The following DSCAM variants were observed in gnomAD, a reference collection of about 807,000 sequenced individuals.
The protein encoded by DSCAM is cell adhesion molecule DSCAM.
DSCAM carries 47 observed loss-of-function variants against 217.7 expected under a neutral mutation model. The observed-to-expected ratio is 0.22, with a 90% CI of 0.17 to 0.28. The LOEUF is 0.28. Among genes scored for constraint, DSCAM ranks in the 10% least tolerant of loss-of-function variants. The pLI, the probability that DSCAM is intolerant of heterozygous loss-of-function variation, is 1.00. For synonymous variants in DSCAM, 1,056 were observed against 1,015.3 expected, an observed-to-expected ratio of 1.04 and a Z score of -0.76; for missense variants, 2,080 against 2,618.3, an observed-to-expected ratio of 0.79 and a Z score of 4.49.
intron 3 of DSCAM, among the ~76,000 whole-genome samples, chr21:40,676,173 T>C (rs2090335187): frequency 6.7e-6 from 1 of 150,160 alleles, no homozygotes. Flanking sequence ...TTTAAAAATC[T>C]CAATACAAAA....
At chr21:40,763,425 C>T (rs1045150120) in intron 1 of DSCAM, among the ~76,000 whole-genome samples, 4 of 152,124 alleles carry the variant, frequency 2.6e-5, no homozygotes, top group African/African-American at 7.2e-5. Flanking sequence ...CTACAAACCA[C>T]TGCTCAAAGA....
At chr21:40,676,449 T>C (rs1303802830) in intron 3 of DSCAM, among the ~76,000 whole-genome samples, 1 of 152,252 alleles carries the variant, frequency 6.6e-6, no homozygotes, top group Non-Finnish European at 1.5e-5. Flanking sequence ...AGCAATAGGA[T>C]GTTCAGGTTT....
At chr21:40,312,421 C>T in intron 8 of DSCAM, 62 bp from the exon 9 acceptor site, 1 of 1,566,032 alleles carries the variant, frequency 6.4e-7, no homozygotes, top group East Asian at 2.4e-5. Context: ...TTTCCTTTAA[C>T]CCTGTATACG....
chr21:40,529,974 T>C (rs1038696320), intron 3 of DSCAM, among the ~76,000 whole-genome samples: 1 of 152,200 alleles, frequency 6.6e-6, no homozygotes, highest in African/African-American at 2.4e-5. Context: ...ACAATTTCTA[T>C]GTCACAGATA....
intron 3 of DSCAM, among the ~76,000 whole-genome samples, chr21:40,482,812 T>G (rs1277762506): frequency 6.6e-6 from 1 of 152,124 alleles, no homozygotes; most frequent in Non-Finnish European, 1.5e-5. Flanking sequence ...CTCCACACTT[T>G]TAAAGGTGTA....
chr21:40,021,262 T>C (rs1013387194), intron 32 of DSCAM, among the ~76,000 whole-genome samples: 2 of 126,774 alleles, frequency 1.6e-5, no homozygotes, highest in African/African-American at 6.0e-5. Context: ...GGTAGACAGA[T>C]AAAAATTAGA....
chr21:40,762,437 C>T (rs1216173612), intron 1 of DSCAM, among the ~76,000 whole-genome samples: 1 of 152,108 alleles, frequency 6.6e-6, no homozygotes, highest in Non-Finnish European at 1.5e-5. Flanking sequence ...CTGAATAGAC[C>T]AATAACAAGT....
chr21:40,432,918 G>A (rs755209890), intron 3 of DSCAM, among the ~76,000 whole-genome samples: 7 of 152,088 alleles, frequency 4.6e-5, no homozygotes, highest in Non-Finnish European at 7.4e-5. Context: ...CTCTTAACCA[G>A]GTTGACCCAT....
chr21:40,420,446 C>A (rs945067224), intron 3 of DSCAM, among the ~76,000 whole-genome samples: 10 of 152,092 alleles, frequency 6.6e-5, no homozygotes, highest in South Asian at 6.2e-4. Flanking sequence ...GTGGAAGCCA[C>A]TGAAATCCTG....
At chr21:40,444,847 C>T (rs1477459501) in intron 3 of DSCAM, among the ~76,000 whole-genome samples, 1 of 152,170 alleles carries the variant, frequency 6.6e-6, no homozygotes, top group Non-Finnish European at 1.5e-5. Context: ...ATGATGCTGT[C>T]TACCTCCATT....
intron 20 of DSCAM, among the ~76,000 whole-genome samples, chr21:40,116,104 G>A (rs375888302): frequency 5.3e-4 from 81 of 152,208 alleles, no homozygotes; most frequent in African/African-American, 1.8e-3. Flanking sequence ...TAAATTATGA[G>A]AACATACACA....
chr21:40,635,367 T>G (rs2089743832), intron 3 of DSCAM, among the ~76,000 whole-genome samples: 1 of 152,072 alleles, frequency 6.6e-6, no homozygotes, highest in Non-Finnish European at 1.5e-5. Context: ...CTAGGGAACT[T>G]CAAGAAACAC....
At chr21:40,706,743 A>G (rs922626203) in intron 2 of DSCAM, among the ~76,000 whole-genome samples, 2 of 152,232 alleles carry the variant, frequency 1.3e-5, no homozygotes, top group Non-Finnish European at 2.9e-5. Context: ...AGGATGAAAA[A>G]AGATTTTCAA....
chr21:40,089,424 C>T (rs924377108), intron 21 of DSCAM, among the ~76,000 whole-genome samples: 13 of 152,172 alleles, frequency 8.5e-5, no homozygotes, highest in Admixed American at 1.3e-4. Context: ...CCCTCTGATT[C>T]GGGTCCCGTT....
intron 4 of DSCAM, among the ~76,000 whole-genome samples, chr21:40,356,605 T>A (rs2074696069): frequency 6.6e-6 from 1 of 152,138 alleles, no homozygotes; most frequent in South Asian, 2.1e-4. Flanking sequence ...CTTCTTTACA[T>A]CACCTGGAAG....
intron 15 of DSCAM, 143 bp downstream of exon 15, chr21:40,178,784 A>G: frequency 3.2e-6 from 3 of 950,528 alleles, no homozygotes; most frequent in African/African-American, 3.3e-5. Context: ...TGCGTTTTTT[A>G]TAGGGCACAG....
intron 20 of DSCAM, among the ~76,000 whole-genome samples, chr21:40,115,296 G>C (rs139464877): frequency 0.12 from 18,657 of 152,044 alleles, 1,250 homozygotes; most frequent in Non-Finnish European, 0.16. Flanking sequence ...CCATCATTCT[G>C]AGCAAACTAT....
At chr21:40,577,466 G>C (rs1047238509) in intron 3 of DSCAM, among the ~76,000 whole-genome samples, 34 of 151,952 alleles carry the variant, frequency 2.2e-4, no homozygotes, top group African/African-American at 8.2e-4. Flanking sequence ...GCCCCCCTCC[G>C]AGCCGGCTGT....
chr21:40,360,146 T>TTTTTTTTTTTTTTTTTTTTTTTTTTTTC (rs2074744276), intron 4 of DSCAM, among the ~76,000 whole-genome samples: 1 of 143,574 alleles, frequency 7.0e-6, no homozygotes, highest in African/African-American at 2.6e-5. Context: ...TTTTTTTTTT[T>TTTTTTTTTTTTTTTTTTTTTTTTTTTTC]TTTGAGACAG....
Sources: allele counts gnomAD v4.1 joint callset (sites outside exome capture counted in the v4.1 genomes callset), GRCh38; gene constraint gnomAD v4.1.1; transcripts MANE v1.5; gene names NCBI Gene and HGNC (gene_info 2026-07-23, HGNC 2026-07-21).